Variants in CDH8 observed in about 807,000 individuals in gnomAD.
CDH8 encodes the protein cadherin 8, also known as cadherin-8.
A neutral mutation model predicts 68.1 loss-of-function variants in CDH8; 17 were observed. That is an observed-to-expected ratio of 0.25 (90% CI 0.17 to 0.37). The LOEUF is 0.37. CDH8 is among the 10% of genes least tolerant of loss of function. The pLI, the probability that CDH8 is intolerant of heterozygous loss-of-function variation, is 1.00. For missense variants in CDH8, 763 were observed against 999.3 expected, an observed-to-expected ratio of 0.76 and a Z score of 3.19; for synonymous variants, 372 against 365.1, an observed-to-expected ratio of 1.02 and a Z score of -0.21.
At chr16:61,778,727 G>A (rs1177683700) in intron 8 of CDH8, among the ~76,000 whole-genome samples, 1 of 152,096 alleles carries the variant, frequency 6.6e-6, no homozygotes, top group East Asian at 1.9e-4. Flanking sequence ...CACAGACGAG[G>A]AAACTGAGAG....
intron 8 of CDH8, among the ~76,000 whole-genome samples, chr16:61,762,073 AC>A (rs1960484771): frequency 6.6e-6 from 1 of 152,300 alleles, no homozygotes; most frequent in African/African-American, 2.4e-5. Context: ...TGAACTAAAG[AC>A]GGGAGGTGAG....
In CDH8 at chr16:61,653,000, C is replaced by A; in HGVS notation, c.*608G>T. 1.4e-6 allele frequency: 2 copies of A among 1,456,258 alleles called. No homozygotes were observed. The highest frequency in any genetic ancestry group is 1.5e-5 in the South Asian group (1 of 68,328). 90.2% of individuals were successfully genotyped at this position (1,456,258 alleles called of 1,614,324 possible). A position where few individuals can be genotyped will look rare whatever the true frequency, so the allele number is the denominator to read the frequency against. ...ACGAACATGTGAATATTTTAAGGCT[C>A]GACACAATATTTAAAGATGCTATTC... On this transcript the variant is annotated 3_prime_UTR_variant, in exon 12 of 12. Transcript: ENST00000577390.
intron 4 of CDH8, among the ~76,000 whole-genome samples, chr16:61,826,417 A>G (rs1962336227): frequency 6.6e-6 from 1 of 151,804 alleles, no homozygotes; most frequent in Non-Finnish European, 1.5e-5. Context: ...CTGTCATAAG[A>G]TGCCCCTTCC....
chr16:61,872,291 C>T (rs948708271), intron 3 of CDH8, among the ~76,000 whole-genome samples: 9 of 152,180 alleles, frequency 5.9e-5, no homozygotes, highest in East Asian at 5.8e-4. Flanking sequence ...ATGACACAGC[C>T]TCAGGAGGTC....
chr16:61,757,118 A>C (rs1960339065), intron 8 of CDH8, among the ~76,000 whole-genome samples: 1 of 152,230 alleles, frequency 6.6e-6, no homozygotes, highest in South Asian at 2.1e-4. Context: ...GAGAAATATT[A>C]TTAATGTTTC....
chr16:61,824,627 C>T (rs929227152), intron 5 of CDH8, among the ~76,000 whole-genome samples: 1 of 151,820 alleles, frequency 6.6e-6, no homozygotes, highest in Non-Finnish European at 1.5e-5. Flanking sequence ...TATTTGTCTT[C>T]CCTACCTCGG....
intron 10 of CDH8, among the ~76,000 whole-genome samples, chr16:61,702,979 C>T (rs2142852295): frequency 6.6e-6 from 1 of 152,056 alleles, no homozygotes; most frequent in Middle Eastern, 3.4e-3. Context: ...AAATAGGTGC[C>T]TAATAAATTT....
chr16:61,721,218 A>G (rs1215934485), intron 9 of CDH8, among the ~76,000 whole-genome samples: 1 of 150,774 alleles, frequency 6.6e-6, no homozygotes, highest in Non-Finnish European at 1.5e-5. Flanking sequence ...TGGTTTCTTC[A>G]AATGTTGTTT....
intron 2 of CDH8, among the ~76,000 whole-genome samples, chr16:61,961,216 G>A (rs1214606105): frequency 6.6e-6 from 1 of 152,020 alleles, no homozygotes; most frequent in African/African-American, 2.4e-5. Context: ...TTGGGAGGTT[G>A]AGGCGGAAGA....
chr16:61,943,027 C>A (rs759100331), intron 2 of CDH8, among the ~76,000 whole-genome samples: 2 of 152,172 alleles, frequency 1.3e-5, no homozygotes, highest in Non-Finnish European at 2.9e-5. Context: ...GCCACTGCAC[C>A]ATCTTGCCTG....
At chr16:61,802,758 G>T (rs1479691507) in intron 7 of CDH8, among the ~76,000 whole-genome samples, 7 of 136,892 alleles carry the variant, frequency 5.1e-5, no homozygotes, top group African/African-American at 8.4e-5. Context: ...AGAAGGGAAG[G>T]TTAGAGAAAA....
At chr16:61,963,056 AAATT>A (rs1409292342) in intron 2 of CDH8, among the ~76,000 whole-genome samples, 1 of 152,188 alleles carries the variant, frequency 6.6e-6, no homozygotes, top group Non-Finnish European at 1.5e-5. Context: ...ATAAACACGT[AAATT>A]AATTCTTCTC....
intron 10 of CDH8, among the ~76,000 whole-genome samples, chr16:61,690,135 T>G (rs150660737): frequency 1.1e-4 from 16 of 152,216 alleles, no homozygotes; most frequent in Admixed American, 7.2e-4. Context: ...ATTTTGGCAA[T>G]GCAATATTTA....
intron 3 of CDH8, among the ~76,000 whole-genome samples, chr16:61,897,538 C>T (rs1963889383): frequency 6.6e-6 from 1 of 152,128 alleles, no homozygotes; most frequent in Admixed American, 6.6e-5. Context: ...AGTTTTCTTT[C>T]TTAACATATT....
chr16:61,817,851 GGGATCA>G, intron 6 of CDH8, 119 bp from the exon 7 acceptor site: 1 of 911,368 alleles, frequency 1.1e-6, no homozygotes, highest in Non-Finnish European at 1.6e-6. Flanking sequence ...GAGCCTTAAT[GGGATCA>G]CTCTCCAGTC....
chr16:61,768,346 CT>C (rs1960660661), intron 8 of CDH8, among the ~76,000 whole-genome samples: 1 of 107,118 alleles, frequency 9.3e-6, no homozygotes, highest in African/African-American at 3.9e-5. Context: ...CTCTCTCTCT[CT>C]CTCTCTCTCT....
chr16:61,752,088 A>C (rs1437315253), intron 8 of CDH8, among the ~76,000 whole-genome samples: 2 of 152,170 alleles, frequency 1.3e-5, no homozygotes, highest in African/African-American at 4.8e-5. Flanking sequence ...TGAACATGAT[A>C]GCTAAATAAT....
intron 3 of CDH8, among the ~76,000 whole-genome samples, chr16:61,867,303 TA>T (rs1963274828): frequency 6.6e-6 from 1 of 152,306 alleles, no homozygotes; most frequent in African/African-American, 2.4e-5. Flanking sequence ...TAATTTTTTT[TA>T]ATTGAAATCC....
At chr16:61,827,447 C>A (rs1190180406) in intron 4 of CDH8, among the ~76,000 whole-genome samples, 4 of 151,832 alleles carry the variant, frequency 2.6e-5, no homozygotes, top group Admixed American at 6.6e-5. Context: ...AGAACTCCTG[C>A]AACTTCTCTG....
Sources: allele counts gnomAD v4.1 joint callset (sites outside exome capture counted in the v4.1 genomes callset), GRCh38; gene constraint gnomAD v4.1.1; transcripts MANE v1.5; gene names NCBI Gene and HGNC (gene_info 2026-07-23, HGNC 2026-07-21).